MECOM: variants seen among roughly 807,000 people sequenced by gnomAD.
MECOM encodes the protein MDS1 and EVI1 complex locus, also known as histone-lysine N-methyltransferase MECOM.
A neutral mutation model predicts 116.3 loss-of-function variants in MECOM; 13 were observed. That is an observed-to-expected ratio of 0.11 (90% CI 0.07 to 0.18). The LOEUF (loss-of-function observed/expected upper bound fraction) is 0.18, where lower values mean the gene tolerates loss of function less well. MECOM is among the 10% of genes least tolerant of loss of function. The pLI is 1.00. For synonymous variants in MECOM, 528 were observed against 535.2 expected (o/e 0.99, Z 0.19); for missense variants, 1,299 against 1,509.0 (o/e 0.86, Z 2.31).
intron 2 of MECOM, among the ~76,000 whole-genome samples, chr3:169,183,934 G>C (rs1300359419): frequency 6.6e-6 from 1 of 150,716 alleles, no homozygotes; most frequent in African/African-American, 2.4e-5. Flanking sequence ...GTGCGATCTC[G>C]GCTCACTGCA....
intron 1 of MECOM, among the ~76,000 whole-genome samples, chr3:169,551,324 T>C (rs530389474): frequency 1.9e-4 from 29 of 151,022 alleles, no homozygotes; most frequent in African/African-American, 7.1e-4. Flanking sequence ...AGTGGTGATA[T>C]CCAAAAGAGA....
Position 169,190,332 on chromosome 3 carries a change from T to G in MECOM, c.376-46500A>C, listed in dbSNP as rs1210177383. Among the ~76,000 whole-genome samples the G allele has an allele frequency of 2.6e-5, 4 of 152,006 alleles. No homozygotes were observed. In the East Asian group the frequency reaches 7.7e-4, roughly 29 times the overall value. ...TACTCAAAACCAGAGATGGCACTGA[T>G]GAATATCTCTACACAGCTACCCCTC... On this transcript the variant is annotated intron_variant, in intron 2 of 16. Transcript: ENST00000651503.
intron 1 of MECOM, among the ~76,000 whole-genome samples, chr3:169,600,615 AG>A (rs1345728003): frequency 6.6e-6 from 1 of 152,226 alleles, no homozygotes; most frequent in East Asian, 1.9e-4. Context: ...GGCCCACTCC[AG>A]GAAACTCGGC....
intron 1 of MECOM, among the ~76,000 whole-genome samples, chr3:169,475,686 T>C (rs1441760748): frequency 6.6e-6 from 1 of 152,120 alleles, no homozygotes; most frequent in Non-Finnish European, 1.5e-5. Flanking sequence ...AAAGCCAGTC[T>C]TGCCAGATTT....
At chr3:169,280,625 C>T (rs1049732782) in intron 2 of MECOM, among the ~76,000 whole-genome samples, 1 of 152,102 alleles carries the variant, frequency 6.6e-6, no homozygotes, top group African/African-American at 2.4e-5. Context: ...ACAGTGTAGG[C>T]TGTAGCTGGA....
intron 2 of MECOM, among the ~76,000 whole-genome samples, chr3:169,189,765 TTCTC>T (rs753298762): frequency 6.6e-6 from 1 of 151,958 alleles, no homozygotes; most frequent in African/African-American, 2.4e-5. Context: ...TTGACATAAA[TTCTC>T]TCTCTCTCTT....
chr3:169,375,721 C>T (rs184850813), intron 2 of MECOM, among the ~76,000 whole-genome samples: 1 of 152,142 alleles, frequency 6.6e-6, no homozygotes, highest in Non-Finnish European at 1.5e-5. Context: ...CAGGACCAGA[C>T]AGATTCACAG....
intron 1 of MECOM, among the ~76,000 whole-genome samples, chr3:169,394,977 T>C (rs1362300921): frequency 2.0e-5 from 3 of 152,230 alleles, no homozygotes; most frequent in Admixed American, 6.5e-5. Context: ...ATTTGCTTTT[T>C]TCTAGATGGA....
At chr3:169,210,015 A>G (rs1264856414) in intron 2 of MECOM, among the ~76,000 whole-genome samples, 1 of 152,204 alleles carries the variant, frequency 6.6e-6, no homozygotes, top group Non-Finnish European at 1.5e-5. Flanking sequence ...ATGGAATGCT[A>G]TGCAGCCATA....
intron 2 of MECOM, among the ~76,000 whole-genome samples, chr3:169,365,164 G>A (rs4955567): frequency 0.64 from 96,753 of 151,814 alleles, 33,205 homozygotes; most frequent in African/African-American, 0.88. Context: ...CTGGGGCTCA[G>A]TGTAAGGGTT....
At chr3:169,146,583 C>T (rs752470481) in intron 2 of MECOM, 3 of 1,373,554 alleles carry the variant, frequency 2.2e-6, no homozygotes, top group Admixed American at 3.8e-5. Flanking sequence ...CAGGGCTCCG[C>T]GAGACTGCGG....
chr3:169,267,781 A>G (rs1021038204), intron 2 of MECOM, among the ~76,000 whole-genome samples: 15 of 152,144 alleles, frequency 9.9e-5, no homozygotes, highest in Non-Finnish European at 4.4e-5. Context: ...TTCAGAGTCC[A>G]ACAGTTGCTT....
intron 2 of MECOM, among the ~76,000 whole-genome samples, chr3:169,288,017 T>C (rs879520567): frequency 3.3e-5 from 5 of 152,172 alleles, no homozygotes; most frequent in Non-Finnish European, 5.9e-5. Context: ...TGTAAGCAGG[T>C]TTAGAAGCCA....
intron 1 of MECOM, among the ~76,000 whole-genome samples, chr3:169,636,969 C>A (rs1042776031): frequency 6.6e-6 from 1 of 152,154 alleles, no homozygotes; most frequent in Non-Finnish European, 1.5e-5. Flanking sequence ...TCCCAGTATT[C>A]GTGCCCTTGT....
intron 3 of MECOM, among the ~76,000 whole-genome samples, chr3:169,136,462 G>A (rs1357864679): frequency 6.6e-6 from 1 of 151,420 alleles, no homozygotes; most frequent in Middle Eastern, 3.2e-3. Context: ...CTTGGAATTA[G>A]AATTAATCAT....
chr3:169,570,414 A>G (rs979550498), intron 1 of MECOM, among the ~76,000 whole-genome samples: 2 of 152,200 alleles, frequency 1.3e-5, no homozygotes, highest in African/African-American at 2.4e-5. Context: ...AGAGGTACAA[A>G]GAGGAGCTCA....
In MECOM at chr3:169,472,675, G is replaced by GGAAAAGAA. The variant is rs1560319210; in HGVS notation, c.38-91152_38-91151insTTCTTTTC. Among the ~76,000 whole-genome samples the GGAAAAGAA allele has an allele frequency of 9.3e-4, 66 of 71,220 alleles. 6 individuals carry two copies. The highest frequency in any genetic ancestry group is 3.4e-3 in the South Asian group (7 of 2,058). The allele number at this position is 71,220 out of a possible 152,430, so 46.7% of individuals were successfully genotyped here. On this transcript the variant is annotated intron_variant, in intron 1 of 16. Transcript: ENST00000651503. ...AAAGAAAAGAAAGGAAAGGAAAGGA[G>GGAAAAGAA]AGGAGAGGAAAGGAAAGGGAAGGGA...
At chr3:169,639,034 T>C (rs1045319199) in intron 1 of MECOM, among the ~76,000 whole-genome samples, 1 of 152,154 alleles carries the variant, frequency 6.6e-6, no homozygotes, top group Non-Finnish European at 1.5e-5. Context: ...ACGTTGAAGA[T>C]GGAAGAGTGC....
At chr3:169,637,030 T>C (rs1199014212) in intron 1 of MECOM, among the ~76,000 whole-genome samples, 3 of 152,158 alleles carry the variant, frequency 2.0e-5, no homozygotes, top group African/African-American at 4.8e-5. Context: ...GCATTTGACC[T>C]ATAGAATATA....
Sources: allele counts gnomAD v4.1 joint callset (sites outside exome capture counted in the v4.1 genomes callset), GRCh38; gene constraint gnomAD v4.1.1; transcripts MANE v1.5; gene names NCBI Gene and HGNC (gene_info 2026-07-23, HGNC 2026-07-21).